PTPRN2: variants seen among roughly 807,000 people sequenced by gnomAD.
PTPRN2 encodes the protein receptor-type tyrosine-protein phosphatase N2.
A neutral mutation model predicts 118.8 loss-of-function variants in PTPRN2; 74 were observed. That is an observed-to-expected ratio of 0.62 (90% CI 0.52 to 0.76). The LOEUF (loss-of-function observed/expected upper bound fraction) is 0.76, where lower values mean the gene tolerates loss of function less well. PTPRN2 is among the 30% of genes least tolerant of loss of function. The pLI, the probability that PTPRN2 is intolerant of heterozygous loss-of-function variation, is 0.00. For synonymous variants in PTPRN2, 641 were observed against 608.0 expected, an observed-to-expected ratio of 1.05 and a Z score of -0.80; for missense variants, 1,481 against 1,394.4, an observed-to-expected ratio of 1.06 and a Z score of -0.99.
intron 2 of PTPRN2, among the ~76,000 whole-genome samples, chr7:158,377,009 T>C (rs13228411): frequency 2.7e-3 from 207 of 77,770 alleles, no homozygotes; most frequent in African/African-American, 7.8e-3. Context: ...CCCTGTCACA[T>C]GTCCTGAGAC....
At position 157,541,716 on chromosome 7, in the gene PTPRN2, C is replaced by T. The variant is rs771152368; in HGVS notation, c.2977-931G>A. 3.4e-4 allele frequency among the ~76,000 whole-genome samples: 51 copies of T among 152,194 alleles called. 1 individual carries two copies. The highest frequency in any genetic ancestry group is 1.1e-3 in the Admixed American group (17 of 15,282). On this transcript the variant is annotated intron_variant, in intron 22 of 22. Coordinates refer to ENST00000389418, the MANE Select transcript of PTPRN2 (RefSeq NM_002847.5). ...GGAAGGAAAGCCCTGTTGACAGCTC[C>T]AATACTTGATCATTTAAGGAACAGG...
chr7:157,973,079 A>G (rs1412249701), intron 11 of PTPRN2, among the ~76,000 whole-genome samples: 1 of 152,192 alleles, frequency 6.6e-6, no homozygotes, highest in Non-Finnish European at 1.5e-5. Flanking sequence ...GCAGGGCCCC[A>G]CTGAAGCCAG....
chr7:158,372,974 T>C (rs1810202012), intron 2 of PTPRN2, among the ~76,000 whole-genome samples: 1 of 151,640 alleles, frequency 6.6e-6, no homozygotes, highest in African/African-American at 2.4e-5. Context: ...CTGGCCACTC[T>C]AGAACACCGA....
Position 158,587,759 on chromosome 7 carries a change from C to T in PTPRN2, c.-90G>A. Reference sequence around the variant, plus strand: ...TCCGGGCCCAGGGAGGCGCGCGCCGCCGGCTCCTCCCGCCGCGCCTCTCGC... The same window carrying T: ...TCCGGGCCCAGGGAGGCGCGCGCCGTCGGCTCCTCCCGCCGCGCCTCTCGC... On this transcript the variant is annotated 5_prime_UTR_variant, in exon 1 of 23. Coordinates refer to ENST00000389418, the MANE Select transcript of PTPRN2 (RefSeq NM_002847.5). 1 of 1,041,806 alleles carries T rather than the reference C, an allele frequency of 9.6e-7. No homozygotes were observed. The highest frequency in any genetic ancestry group is 1.2e-6 in the Non-Finnish European group (1 of 868,042). 64.5% of individuals were successfully genotyped at this position (1,041,806 alleles called of 1,614,324 possible).
intron 2 of PTPRN2, among the ~76,000 whole-genome samples, chr7:158,393,537 T>A (rs1233211563): frequency 6.6e-6 from 1 of 152,038 alleles, no homozygotes; most frequent in East Asian, 1.9e-4. Flanking sequence ...AACATAAAGG[T>A]CTCAGGCCCG....
Position 157,610,888 on chromosome 7 carries a change from G to A in PTPRN2, c.2345-6813C>T, listed in dbSNP as rs1426837190. Among the ~76,000 whole-genome samples the A allele has an allele frequency of 2.0e-5, 3 of 152,194 alleles. No individual in the cohort carries two copies. The highest frequency in any genetic ancestry group is 1.9e-4 in the East Asian group (1 of 5,200). ...CTCAGCTCAAGCTATAAAGCTCATC[G>A]AACATTTAGGAAAGTCAGCTGAGTG... On this transcript the variant is annotated intron_variant, in intron 15 of 22. Transcript: ENST00000389418. The surrounding 1 kb of genome is among the most constrained non-coding windows in gnomAD (Gnocchi z 5.1).
At chr7:157,872,777 C>T (rs113240538) in intron 12 of PTPRN2, among the ~76,000 whole-genome samples, 2 of 152,348 alleles carry the variant, frequency 1.3e-5, no homozygotes, top group East Asian at 1.9e-4. Context: ...GTCCCCTCCC[C>T]GCCCTGTCAG....
At chr7:158,149,289 A>G (rs1046007645) in intron 6 of PTPRN2, among the ~76,000 whole-genome samples, 2 of 152,216 alleles carry the variant, frequency 1.3e-5, no homozygotes, top group South Asian at 4.1e-4. Flanking sequence ...CCAAACTTTT[A>G]TAAAGCAATG....
chr7:157,670,870 G>C (rs1796375391), intron 13 of PTPRN2, among the ~76,000 whole-genome samples: 1 of 152,254 alleles, frequency 6.6e-6, no homozygotes, highest in African/African-American at 2.4e-5. Context: ...TCCGCCTTCA[G>C]AGCAGCCCAG....
intron 13 of PTPRN2, among the ~76,000 whole-genome samples, chr7:157,662,453 A>C (rs1795935479): frequency 6.6e-6 from 1 of 152,168 alleles, no homozygotes; most frequent in African/African-American, 2.4e-5. Flanking sequence ...GCTGGGCACG[A>C]GTGACCGCAA....
intron 17 of PTPRN2, among the ~76,000 whole-genome samples, chr7:157,579,506 A>G (rs1341324956): frequency 6.6e-6 from 1 of 152,224 alleles, no homozygotes; most frequent in African/African-American, 2.4e-5. Flanking sequence ...ATGAGGAGAA[A>G]CACAGATTTT....
In PTPRN2 at chr7:157,794,417, G is replaced by A. The variant is rs962461732; in HGVS notation, c.1788+104256C>T. On this transcript the variant is annotated intron_variant, in intron 12 of 22. Coordinates refer to ENST00000389418, the MANE Select transcript of PTPRN2 (RefSeq NM_002847.5). This position sits in a 1 kb window ranked among gnomAD's most constrained non-coding sequence, Gnocchi z 5.2. ...CAGTGCGGTGACCAATTATAGCGTC[G>A]ACGATGGCAGCTTCCCTCTGAAAGC... Among the ~76,000 whole-genome samples, 3 of 152,200 alleles carry A rather than the reference G, an allele frequency of 2.0e-5. No homozygotes were observed. The highest frequency in any genetic ancestry group is 7.2e-5 in the African/African-American group (3 of 41,450).
intron 11 of PTPRN2, among the ~76,000 whole-genome samples, chr7:157,975,100 C>A (rs1353160758): frequency 6.6e-6 from 1 of 152,138 alleles, no homozygotes; most frequent in Non-Finnish European, 1.5e-5. Flanking sequence ...CCAGGCCCAG[C>A]ACATTCTCCT....
intron 2 of PTPRN2, among the ~76,000 whole-genome samples, chr7:158,347,455 T>C (rs1201855878): frequency 6.6e-6 from 1 of 152,214 alleles, no homozygotes; most frequent in Non-Finnish European, 1.5e-5. Context: ...TTAGTTGATG[T>C]GTCTATTTTG....
chr7:158,123,210 A>C (rs1454686692), intron 9 of PTPRN2, among the ~76,000 whole-genome samples: 1 of 152,190 alleles, frequency 6.6e-6, no homozygotes, highest in African/African-American at 2.4e-5. Flanking sequence ...CAAACCATGA[A>C]ATTTATTCTA....
chr7:158,439,926 G>C (rs561945134), intron 2 of PTPRN2, among the ~76,000 whole-genome samples: 14 of 152,226 alleles, frequency 9.2e-5, no homozygotes, highest in Non-Finnish European at 2.1e-4. Context: ...TTATTGATGA[G>C]AAACCCAGGG....
intron 11 of PTPRN2, among the ~76,000 whole-genome samples, chr7:157,901,897 G>A (rs540828292): frequency 2.3e-5 from 3 of 131,356 alleles, no homozygotes; most frequent in East Asian, 4.2e-4. Context: ...CTTCCCGTCC[G>A]TGTTTCCTGG....
intron 2 of PTPRN2, among the ~76,000 whole-genome samples, chr7:158,367,368 A>G (rs1212639628): frequency 6.6e-6 from 1 of 152,220 alleles, no homozygotes; most frequent in Non-Finnish European, 1.5e-5. Flanking sequence ...GCTATGCTAG[A>G]CAACTGCTGA....
chr7:158,003,730 C>T lies in PTPRN2; in HGVS notation c.1723+77568G>A, dbSNP rs1468008875. Among the ~76,000 whole-genome samples, 4 of 151,960 alleles carry T rather than the reference C, an allele frequency of 2.6e-5. No homozygotes were observed. Among genetic ancestry groups the T allele is most frequent in the African/African-American group, 9.7e-5 (4 of 41,338 alleles). On this transcript the variant is annotated intron_variant, in intron 11 of 22. Transcript: ENST00000389418. This position sits in a 1 kb window ranked among gnomAD's most constrained non-coding sequence, Gnocchi z 5.0. ...ATCCGGGCTCCAGCCCTGCGGTTGGCGGGATCCAGGTTTCTTGGTGGTGGC... is the reference window on the plus strand; with the variant it reads ...ATCCGGGCTCCAGCCCTGCGGTTGGTGGGATCCAGGTTTCTTGGTGGTGGC...
Sources: allele counts gnomAD v4.1 joint callset (sites outside exome capture counted in the v4.1 genomes callset), GRCh38; gene constraint gnomAD v4.1.1; non-coding constraint Gnocchi (gnomAD v3.1); transcripts MANE v1.5; gene names NCBI Gene and HGNC (gene_info 2026-07-23, HGNC 2026-07-21).